The following FAH variants were observed in gnomAD, a reference collection of about 807,000 sequenced individuals.
FAH encodes the protein fumarylacetoacetate hydrolase.
In FAH, 47 loss-of-function variants were observed where a neutral mutation model predicts 55.8. The ratio of observed to expected loss-of-function variants is 0.84; its 90% confidence interval spans 0.67 to 1.07. The LOEUF (loss-of-function observed/expected upper bound fraction) is 1.07. Ranked by LOEUF, FAH falls within the 50% of genes least tolerant of loss-of-function variation. The pLI is 0.00. For synonymous variants in FAH, 199 were observed against 207.7 expected (o/e 0.96, Z 0.36); for missense variants, 495 against 545.9 (o/e 0.91, Z 0.93).
chr15:80,177,871 A>T (rs1002095109), intron 11 of FAH, among the ~76,000 whole-genome samples: 1 of 152,334 alleles, frequency 6.6e-6, no homozygotes. Context: ...TGTATTGATG[A>T]GAGTGACTTA....
chr15:80,167,149 G>A (rs563928664), intron 5 of FAH: 5 of 152,028 alleles, frequency 3.3e-5, no homozygotes, highest in Admixed American at 3.3e-4. Context: ...GTGTGGTATG[G>A]GTCTGTATCC....
At chr15:80,164,877 C>T (rs1212548794) in intron 5 of FAH, among the ~76,000 whole-genome samples, 1 of 152,222 alleles carries the variant, frequency 6.6e-6, no homozygotes, top group Non-Finnish European at 1.5e-5. Context: ...CTCCAGGTTA[C>T]ACATGCATGA....
intron 11 of FAH, 24 bp downstream of exon 11, chr15:80,177,607 T>A: frequency 6.2e-7 from 1 of 1,606,792 alleles, no homozygotes; most frequent in Non-Finnish European, 8.5e-7. Flanking sequence ...CTGATCAGAC[T>A]GCTTTTTAGA....
intron 5 of FAH, chr15:80,166,915 C>G (rs8036972): frequency 0.89 from 134,940 of 152,034 alleles, 60,163 homozygotes; most frequent in African/African-American, 0.97. Context: ...GATTACAGGC[C>G]TGAGCCACCG....
At chr15:80,178,805 G>C (rs1421090586) in intron 11 of FAH, among the ~76,000 whole-genome samples, 1 of 151,732 alleles carries the variant, frequency 6.6e-6, no homozygotes, top group African/African-American at 2.4e-5. Flanking sequence ...AGCCAGGATG[G>C]TCTCGATCTC....
intron 7 of FAH, among the ~76,000 whole-genome samples, chr15:80,169,847 T>C (rs1260235376): frequency 6.6e-6 from 1 of 152,212 alleles, no homozygotes; most frequent in Non-Finnish European, 1.5e-5. Context: ...CTGCACACTT[T>C]TTTAAATTAA....
chr15:80,157,394 CG>C (rs1567114040), intron 1 of FAH: 1 of 156,450 alleles, frequency 6.4e-6, no homozygotes, highest in East Asian at 1.9e-4. Flanking sequence ...AACATGCCCT[CG>C]GGTTCTTGTT....
Position 80,158,083 on chromosome 15 carries a change from C to A in FAH, c.105C>A (p.Ala35=). Residue 35 remains alanine (A), a synonymous_variant, in exon 2 of 14, where the codon GCC becomes GCA. Transcript: ENST00000561421. ...RGDPRPRIGV[A]IGDQILDLSI... is the part of the protein sequence containing the mutation. ...AGCCAAGACCGAGGATAGGTGTGGC[C>A]ATTGGCGACCAGATCCTGGACCTCA... The A allele has an allele frequency of 6.2e-7, 1 of 1,614,052 alleles. No homozygotes were observed.
At chr15:80,186,552 C>CCTG, downstream of FAH, 1 of 385,274 alleles carries the variant, frequency 2.6e-6, no homozygotes. Flanking sequence ...GTAGTCAGGG[C>CCTG]TCTCCAGAGA....
intron 11 of FAH, among the ~76,000 whole-genome samples, chr15:80,178,554 G>A (rs990141349): frequency 7.9e-5 from 12 of 150,990 alleles, no homozygotes; most frequent in Non-Finnish European, 1.8e-4. Flanking sequence ...GCCTTATAGT[G>A]TTGCACTGTA....
At chr15:80,183,483 C>A (rs1042972980) in intron 13 of FAH, among the ~76,000 whole-genome samples, 1 of 152,214 alleles carries the variant, frequency 6.6e-6, no homozygotes, top group Non-Finnish European at 1.5e-5. Flanking sequence ...CTGCCCTCAC[C>A]TTCTACGACT....
At chr15:80,154,820 G>C (rs893145045) in intron 1 of FAH, among the ~76,000 whole-genome samples, 3 of 152,202 alleles carry the variant, frequency 2.0e-5, no homozygotes, top group African/African-American at 7.2e-5. Flanking sequence ...TCCATTTCTG[G>C]TTGATGGACT....
intron 7 of FAH, among the ~76,000 whole-genome samples, chr15:80,170,739 C>T (rs2041233882): frequency 6.6e-6 from 1 of 152,202 alleles, no homozygotes; most frequent in Admixed American, 6.5e-5. Flanking sequence ...GAGCCCAGGT[C>T]ACCTGGACTA....
intron 10 of FAH, among the ~76,000 whole-genome samples, chr15:80,176,674 C>T (rs950075811): frequency 3.3e-5 from 5 of 152,226 alleles, no homozygotes; most frequent in African/African-American, 1.2e-4. Context: ...CCTCCTGCCA[C>T]CCACAATGCG....
rs12593304 is a variant in FAH, at chr15:80,176,452, G to A, written c.914-1085G>A. Among the ~76,000 whole-genome samples, 36 of 152,334 alleles carry A rather than the reference G, an allele frequency of 2.4e-4. No individual in the cohort carries two copies. In the East Asian group the frequency reaches 4.8e-3, roughly 20 times the overall value. ...GGCGCAGTACACTGCAGGAGCTGTCGCCATGGGAGCAGGATGCTCCATGGA... is the reference window on the plus strand; with the variant it reads ...GGCGCAGTACACTGCAGGAGCTGTCACCATGGGAGCAGGATGCTCCATGGA... On this transcript the variant is annotated intron_variant, in intron 10 of 13. Coordinates refer to ENST00000561421, the MANE Select transcript of FAH (RefSeq NM_000137.4).
chr15:80,154,148 C>G (rs576621845), intron 1 of FAH, among the ~76,000 whole-genome samples: 1 of 152,184 alleles, frequency 6.6e-6, no homozygotes, highest in African/African-American at 2.4e-5. Flanking sequence ...AAAGTGGACA[C>G]TCAATCCCCT....
At chr15:80,183,421 G>A (rs973320978) in intron 13 of FAH, among the ~76,000 whole-genome samples, 8 of 152,250 alleles carry the variant, frequency 5.3e-5, no homozygotes, top group African/African-American at 1.9e-4. Flanking sequence ...GGTGGAGGTG[G>A]TGTGTCAGCT....
In FAH at chr15:80,160,459, G is replaced by C; in HGVS notation, c.364G>C (p.Gly122Arg). 1.2e-6 allele frequency: 2 copies of C among 1,614,124 alleles called. No homozygotes were observed. Among genetic ancestry groups the C allele is most frequent in the Non-Finnish European group, 1.7e-6 (2 of 1,179,950 alleles). ...SATMHLPATI[G>R]DYTDFYSSRQ... is the part of the protein sequence containing the mutation. ...CACGATGCACCTTCCAGCCACCATA[G>C]GTGAGTGCAGTCTCTTCACCAAGAT... Residue 122 changes from glycine (G) to arginine (R), a missense_variant and splice_region_variant, in exon 4 of 14, where the codon GGA becomes CGA. Gly to Arg is a moderately radical substitution (Grantham distance 125). Coordinates refer to ENST00000561421, the MANE Select transcript of FAH (RefSeq NM_000137.4).
At chr15:80,182,834 G>T (rs2041342069) in intron 13 of FAH, among the ~76,000 whole-genome samples, 1 of 152,302 alleles carries the variant, frequency 6.6e-6, no homozygotes, top group African/African-American at 2.4e-5. Flanking sequence ...CTTTGGTCAC[G>T]GTTCTGTGGA....
Sources: allele counts gnomAD v4.1 joint callset (sites outside exome capture counted in the v4.1 genomes callset), GRCh38; gene constraint gnomAD v4.1.1; transcripts MANE v1.5; gene names NCBI Gene and HGNC (gene_info 2026-07-23, HGNC 2026-07-21).